The following COL6A2 variants were observed in gnomAD, a reference collection of about 807,000 sequenced individuals.
COL6A2 encodes the protein collagen alpha-2(VI) chain.
COL6A2 carries 90 observed loss-of-function variants against 124.9 expected under a neutral mutation model. The ratio of observed to expected loss-of-function variants is 0.72; its 90% CI spans 0.61 to 0.86. The LOEUF (loss-of-function observed/expected upper bound fraction) is 0.86, where lower values mean the gene tolerates loss of function less well. Ranked by LOEUF, COL6A2 falls within the 40% of genes least tolerant of loss-of-function variation. The pLI, the probability that COL6A2 is intolerant of heterozygous loss-of-function variation, is 0.00. For missense variants in COL6A2, 1,607 were observed against 1,502.5 expected (o/e 1.07, Z -1.15); for synonymous variants, 793 against 618.2 (o/e 1.28, Z -4.19).
At chr21:46,121,956 G>C (rs1313200267) in intron 18 of COL6A2, 152 bp from the exon 19 acceptor site, 17 of 812,782 alleles carry the variant, frequency 2.1e-5, no homozygotes, top group South Asian at 1.3e-4. Context: ...ACAGGGCGAG[G>C]TTGGCCCTGC....
intron 27 of COL6A2, chr21:46,129,697 G>GTC: frequency 7.1e-7 from 1 of 1,415,212 alleles, no homozygotes. Context: ...GCATCTTCCA[G>GTC]TCTCTCCTCC....
chr21:46,125,106 G>A (rs574687699), intron 23 of COL6A2, among the ~76,000 whole-genome samples, 160 bp from the exon 24 acceptor site: 1 of 152,120 alleles, frequency 6.6e-6, no homozygotes, highest in Non-Finnish European at 1.5e-5. Context: ...GGGGGGAGGA[G>A]GGTGGCAGCG....
chr21:46,131,486 C>T (rs2078759155), intron 27 of COL6A2, among the ~76,000 whole-genome samples: 1 of 152,230 alleles, frequency 6.6e-6, no homozygotes, highest in African/African-American at 2.4e-5. Flanking sequence ...CGTGGCCCAG[C>T]CAGCTCTAGG....
chr21:46,112,125 G>A lies in COL6A2; in HGVS notation c.262G>A (p.Asp88Asn). 2 of 1,613,180 alleles carry A rather than the reference G, an allele frequency of 1.2e-6. No individual in the cohort carries two copies. Among genetic ancestry groups the A allele is most frequent in the East Asian group, 4.5e-5 (2 of 44,884 alleles). The change falls in exon 3 of 28, where the codon GAC becomes AAC. Residue 88 changes from aspartate (D) to asparagine (N), a missense_variant. Asp to Asn is a conservative substitution (Grantham distance 23). Around this residue, in one of 3 missense-constraint regions of COL6A2, gnomAD observed 342 missense variants for 381.5 expected, o/e 0.90. Transcript: ENST00000300527. The stretch of plus-strand genomic sequence containing the variant: ...CCAGCTGCAGAACGAGTTCTACCTG[G>A]ACCAGGTGGCGCTGAGCTGGCGCTA... ...ISQLQNEFYL[D>N]QVALSWRYGG...
In COL6A2 at chr21:46,112,065, T is replaced by C. The variant is rs766930447; in HGVS notation, c.202T>C (p.Phe68Leu). 3.4e-5 allele frequency: 55 copies of C among 1,613,024 alleles called. No homozygotes were observed. The highest frequency in any genetic ancestry group is 4.4e-5 in the Non-Finnish European group (52 of 1,180,024). ...GCAGTCCCCCACGGACATCCTGCTC[T>C]TCCACATGAAGCAGTTCGTGCCGCA... Reference protein sequence around the residue: ...TMQSPTDILLFHMKQFVPQFI... With the variant: ...TMQSPTDILLLHMKQFVPQFI... The change falls in exon 3 of 28, where the codon TTC (phenylalanine) becomes CTC (leucine). Residue 68 changes from phenylalanine (F) to leucine (L), a missense_variant. Phe to Leu is a conservative substitution (Grantham distance 22). Around this residue, in one of 3 missense-constraint regions of COL6A2, gnomAD observed 342 missense variants for 381.5 expected, o/e 0.90. Transcript: ENST00000300527.
At chr21:46,117,670 A>T (rs2078493931) in intron 11 of COL6A2, 1 of 746,426 alleles carries the variant, frequency 1.3e-6, no homozygotes, top group Non-Finnish European at 2.3e-6. Flanking sequence ...TGGAGACCTG[A>T]TGCATCCCAA....
rs2078501240 is a variant in COL6A2 at position 46,117,943 on chromosome 21, G to A, written c.1116+7G>A. On this transcript the variant is annotated splice_region_variant and intron_variant, in intron 12 of 27. Coordinates refer to ENST00000300527, the MANE Select transcript of COL6A2 (RefSeq NM_001849.4). ...AGGAGACCAAGGCGGCAAGGTAAGTGGCCTTGTCAGGGTACGGGGCAGGCG... is the reference window on the plus strand; with the variant it reads ...AGGAGACCAAGGCGGCAAGGTAAGTAGCCTTGTCAGGGTACGGGGCAGGCG... 4 of 1,611,644 alleles carry A rather than the reference G, an allele frequency of 2.5e-6. No individual in the cohort carries two copies. The highest frequency in any genetic ancestry group is 1.3e-5 in the African/African-American group (1 of 74,892).
chr21:46,125,973 C>T lies in COL6A2; in HGVS notation c.2158C>T (p.Arg720Cys), dbSNP rs748592288. 2.5e-5 allele frequency: 41 copies of T among 1,613,000 alleles called. No individual in the cohort carries two copies. The highest frequency in any genetic ancestry group is 1.6e-4 in the South Asian group (15 of 91,090). The change falls in exon 26 of 28, where the codon CGC becomes TGC. Residue 720 changes from arginine to cysteine, a missense_variant. By Grantham distance (180) the Arg-to-Cys change is radical. This residue lies in a region of COL6A2 where 1,223 missense variants were observed against 1,052.2 expected (regional missense o/e 1.16). Transcript: ENST00000300527. ...CGACCGCCTCATCAAGGAGAGCCGG[C>T]GCCAGAAGACACGTGTGTTTGCGGT... is the stretch of plus-strand genomic sequence containing the variant. Reference protein sequence around the residue: ...AYDRLIKESRRQKTRVFAVVI... With the variant: ...AYDRLIKESRCQKTRVFAVVI...
Position 46,117,401 on chromosome 21 carries a change from G to C in COL6A2, c.1001G>C (p.Gly334Ala), listed in dbSNP as rs552055412. 6 of 1,612,748 alleles carry C rather than the reference G, an allele frequency of 3.7e-6. No individual in the cohort carries two copies. Among genetic ancestry groups the C allele is most frequent in the Admixed American group, 1.7e-5 (1 of 60,000 alleles). The change falls in exon 11 of 28, where the codon GGC (glycine) becomes GCC (alanine). Residue 334 changes from glycine to alanine, a missense_variant and splice_region_variant. Physicochemically the swap from Gly to Ala is moderately conservative, Grantham distance 60. This residue lies in a region of COL6A2 where 1,223 missense variants were observed against 1,052.2 expected (regional missense o/e 1.16). Coordinates refer to ENST00000300527, the MANE Select transcript of COL6A2 (RefSeq NM_001849.4). ...AGKNGTDGQK[G>A]KLGRIGPPGC... ...TCCTCCTGCCCCCTTCTCCTTCAGG[G>C]CAAGCTGGGGCGCATCGGACCTCCT...
chr21:46,122,840 C>T (rs774573220), intron 20 of COL6A2, 35 bp from the exon 21 acceptor site: 9 of 1,599,610 alleles, frequency 5.6e-6, no homozygotes, highest in Non-Finnish European at 7.7e-6. Context: ...GAGACAGCTC[C>T]TCTGTCCCAG....
At chr21:46,123,521 GTGGATGGGGGTGGGCAAATGGA>G (rs1326864865) in intron 21 of COL6A2, among the ~76,000 whole-genome samples, 3 of 151,360 alleles carry the variant, frequency 2.0e-5, no homozygotes, top group Non-Finnish European at 4.4e-5. Flanking sequence ...GGATGGGCAA[GTGGATGGGGGTGGGCAAATGGA>G]TGGATGGGAG....
chr21:46,103,289 T>A (rs925030182), intron 1 of COL6A2, among the ~76,000 whole-genome samples: 1 of 152,304 alleles, frequency 6.6e-6, no homozygotes, highest in Admixed American at 6.5e-5. Context: ...CTTATAATTT[T>A]AGTAATTTGA....
chr21:46,115,597 G>A (rs969201083), intron 5 of COL6A2, among the ~76,000 whole-genome samples: 1 of 152,188 alleles, frequency 6.6e-6, no homozygotes, highest in Non-Finnish European at 1.5e-5. Context: ...GGACCCCCAC[G>A]GGCCAGGCAC....
intron 15 of COL6A2, among the ~76,000 whole-genome samples, chr21:46,120,310 G>C (rs1407509161): frequency 1.3e-5 from 2 of 152,164 alleles, no homozygotes; most frequent in African/African-American, 4.8e-5. Context: ...CAGGGGGACC[G>C]AGAGACACCG....
intron 1 of COL6A2, among the ~76,000 whole-genome samples, chr21:46,103,653 C>G (rs1156695031): frequency 1.3e-5 from 2 of 152,322 alleles, no homozygotes; most frequent in Admixed American, 1.3e-4. Flanking sequence ...GATTTCTTCT[C>G]TGATCCTTGG....
chr21:46,126,170 C>T lies in COL6A2; in HGVS notation c.2355C>T (p.Asn785=), dbSNP rs1443276655. 1.1e-5 allele frequency: 17 copies of T among 1,608,684 alleles called. No homozygotes were observed. The highest frequency in any genetic ancestry group is 1.7e-5 in the Admixed American group (1 of 60,008). The change falls in exon 26 of 28, where the codon AAC becomes AAT. Residue 785 remains asparagine, a synonymous_variant. Transcript: ENST00000300527. ...GCGACAAGCCACAGCAGGTGCGCAA[C>T]ATGACGCTGTTCTCCGACCTGGTCG... ...IACDKPQQVR[N]MTLFSDLVAE...
intron 1 of COL6A2, among the ~76,000 whole-genome samples, chr21:46,109,501 C>T (rs2078371866): frequency 6.6e-6 from 1 of 152,206 alleles, no homozygotes; most frequent in African/African-American, 2.4e-5. Flanking sequence ...GGGACCCATC[C>T]TCTTCTGCCC....
intron 4 of COL6A2, 123 bp from the exon 5 acceptor site, chr21:46,113,885 A>G: frequency 2.5e-6 from 2 of 812,184 alleles, no homozygotes; most frequent in Non-Finnish European, 2.1e-6. Flanking sequence ...CCAGGTTCTC[A>G]GGGCATTTCA....
rs369601018 is a variant in COL6A2 at position 46,128,991 on chromosome 21, T to C, written c.2461+2450T>C. On this transcript the variant is annotated intron_variant, in intron 27 of 27. Coordinates refer to ENST00000300527, the MANE Select transcript of COL6A2 (RefSeq NM_001849.4). ...CCACCGTGCGGGTCTCCTAGCTCCC[T>C]GCCAGCTTCCTGTCCCTGTGCTCAC... 3.9e-4 allele frequency: 621 copies of C among 1,605,880 alleles called. 3 individuals are homozygous for C. The African/African-American group carries it at 7.6e-3, about 20-fold the overall frequency.
Sources: allele counts gnomAD v4.1 joint callset (sites outside exome capture counted in the v4.1 genomes callset), GRCh38; gene constraint gnomAD v4.1.1; regional missense constraint gnomAD v4.1.1; transcripts MANE v1.5; gene names NCBI Gene and HGNC (gene_info 2026-07-23, HGNC 2026-07-21).